Variants in TECRL observed in about 807,000 individuals in gnomAD.
TECRL encodes the protein trans-2,3-enoyl-CoA reductase-like.
In TECRL, 63 loss-of-function variants were observed where a neutral mutation model predicts 52.8. The ratio of observed to expected loss-of-function variants is 1.19; its 90% CI spans 0.97 to 1.47. The LOEUF (loss-of-function observed/expected upper bound fraction) is 1.47, where lower values mean the gene tolerates loss of function less well. Among genes scored for constraint, TECRL ranks in the 40% most tolerant of loss-of-function variants. The pLI, the probability that TECRL is intolerant of heterozygous loss-of-function variation, is 0.00. For synonymous variants in TECRL, 164 were observed against 141.9 expected (o/e 1.16, Z -1.10); for missense variants, 482 against 429.6 (o/e 1.12, Z -1.08).
chr4:64,360,094 C>T (rs1161357052), intron 2 of TECRL, among the ~76,000 whole-genome samples: 2 of 152,050 alleles, frequency 1.3e-5, no homozygotes, highest in Non-Finnish European at 2.9e-5. Flanking sequence ...ACCATATGTT[C>T]AAAGTATGAT....
At chr4:64,355,206 A>C (rs940132372) in intron 2 of TECRL, among the ~76,000 whole-genome samples, 1 of 152,158 alleles carries the variant, frequency 6.6e-6, no homozygotes, top group Non-Finnish European at 1.5e-5. Context: ...AATATACTAG[A>C]ATGACATGAA....
Position 64,327,307 on chromosome 4 carries a change from G to C in TECRL, c.331+1205C>G, listed in dbSNP as rs1718331481. 2.6e-5 allele frequency among the ~76,000 whole-genome samples: 4 copies of C among 151,846 alleles called. No individual in the cohort carries two copies. In the South Asian group the frequency reaches 8.3e-4, roughly 32 times the overall value. ...ACACTCAACTAGGTAAATAAATTTG[G>C]GAGAAAAGGAATATGTCATATTCAC... On this transcript the variant is annotated intron_variant, in intron 3 of 11. Coordinates refer to ENST00000381210, the MANE Select transcript of TECRL (RefSeq NM_001010874.5).
chr4:64,374,612 C>G (rs1053015248), intron 2 of TECRL, among the ~76,000 whole-genome samples: 6 of 151,602 alleles, frequency 4.0e-5, no homozygotes, highest in African/African-American at 9.7e-5. Flanking sequence ...CTTCCTGTGT[C>G]CATGTGTTCT....
intron 2 of TECRL, among the ~76,000 whole-genome samples, chr4:64,341,367 G>A (rs1449349445): frequency 6.6e-6 from 1 of 152,110 alleles, no homozygotes; most frequent in Non-Finnish European, 1.5e-5. Flanking sequence ...TTGGGAGGTT[G>A]GGGTGTGTGG....
At chr4:64,335,802 T>C (rs1037748619) in intron 2 of TECRL, among the ~76,000 whole-genome samples, 1 of 151,186 alleles carries the variant, frequency 6.6e-6, no homozygotes, top group African/African-American at 2.4e-5. Context: ...TAAATGCTGC[T>C]TCAAAAATAT....
At chr4:64,403,723 C>A (rs1724519661) in intron 1 of TECRL, among the ~76,000 whole-genome samples, 1 of 150,116 alleles carries the variant, frequency 6.7e-6, no homozygotes. Context: ...CTCCCATGTG[C>A]TTTTGATTAA....
chr4:64,305,378 G>A lies in TECRL; in HGVS notation c.658-140C>T. ...ATATTAGACACTGCAGCATTTATATGTAAAATGGTACAAATTGTCTAAGCT... is the reference window on the plus strand; with the variant it reads ...ATATTAGACACTGCAGCATTTATATATAAAATGGTACAAATTGTCTAAGCT... On this transcript the variant is annotated intron_variant, in intron 6 of 11. Transcript: ENST00000381210. 9.0e-6 allele frequency: 6 copies of A among 666,716 alleles called. No individual in the cohort carries two copies. In the South Asian group the frequency reaches 1.2e-4, roughly 13 times the overall value. The allele number at this position is 666,716 out of a possible 1,614,324, so 41.3% of individuals were successfully genotyped here. A position where few individuals can be genotyped will look rare whatever the true frequency, so the allele number is the denominator to read the frequency against.
chr4:64,391,841 C>T (rs1686872903), intron 1 of TECRL, among the ~76,000 whole-genome samples: 2 of 151,862 alleles, frequency 1.3e-5, no homozygotes, highest in Admixed American at 6.6e-5. Context: ...AAATATGTTA[C>T]AATGATATAG....
intron 1 of TECRL, among the ~76,000 whole-genome samples, chr4:64,402,991 C>T (rs1031705183): frequency 1.3e-5 from 2 of 152,052 alleles, no homozygotes; most frequent in African/African-American, 4.8e-5. Flanking sequence ...TTTCTCTGTG[C>T]TTCTTAGCCA....
intron 2 of TECRL, among the ~76,000 whole-genome samples, chr4:64,368,459 C>G (rs958896169): frequency 2.8e-4 from 34 of 119,962 alleles, no homozygotes; most frequent in Admixed American, 2.6e-4. Context: ...CCACACCCAG[C>G]TAATTTTTGT....
In TECRL at chr4:64,366,754, T is replaced by C. The variant is rs140205396; in HGVS notation, c.286+8418A>G. Among the ~76,000 whole-genome samples, 467 of 152,216 alleles carry C rather than the reference T, an allele frequency of 3.1e-3. 1 individual carries two copies. The highest frequency in any genetic ancestry group is 0.011 in the African/African-American group (448 of 41,548). Reference sequence around the variant, plus strand: ...TGTTAAAAAGTCACCATATAACAGATGTTGGCAAGTTGTAGAGAACAGGGG... The same window carrying C: ...TGTTAAAAAGTCACCATATAACAGACGTTGGCAAGTTGTAGAGAACAGGGG... On this transcript the variant is annotated intron_variant, in intron 2 of 11. Coordinates refer to ENST00000381210, the MANE Select transcript of TECRL (RefSeq NM_001010874.5).
chr4:64,289,810 C>T (rs1053935561), intron 8 of TECRL, 43 bp from the exon 9 acceptor site: 66 of 1,316,408 alleles, frequency 5.0e-5, no homozygotes, highest in Non-Finnish European at 6.4e-5. Flanking sequence ...ACACCTCTGC[C>T]TATTTTTTAA....
intron 2 of TECRL, among the ~76,000 whole-genome samples, chr4:64,367,746 T>C (rs1721700597): frequency 1.3e-5 from 2 of 152,180 alleles, no homozygotes; most frequent in Admixed American, 6.6e-5. Context: ...TGTTTAAGAA[T>C]GTATGTAGTA....
intron 1 of TECRL, among the ~76,000 whole-genome samples, chr4:64,375,476 T>A (rs191311663): frequency 3.9e-4 from 60 of 152,110 alleles, no homozygotes; most frequent in Admixed American, 6.6e-4. Context: ...TTTGTATCCC[T>A]AAGATATATT....
intron 2 of TECRL, among the ~76,000 whole-genome samples, chr4:64,353,100 G>T (rs1444060697): frequency 6.6e-6 from 1 of 152,032 alleles, no homozygotes; most frequent in Admixed American, 6.6e-5. Flanking sequence ...ATAATTATAT[G>T]GTAAATACAG....
chr4:64,374,600 C>A (rs998815790), intron 2 of TECRL, among the ~76,000 whole-genome samples: 78 of 151,962 alleles, frequency 5.1e-4, no homozygotes, highest in African/African-American at 1.9e-3. Context: ...TGTGATGTTC[C>A]CCTTCCTGTG....
intron 2 of TECRL, among the ~76,000 whole-genome samples, chr4:64,367,619 G>A (rs73230482): frequency 0.015 from 2,281 of 151,428 alleles, 71 homozygotes; most frequent in African/African-American, 0.052. Flanking sequence ...ATCACACTGA[G>A]TAGTCAATTT....
At chr4:64,363,148 A>G (rs532407848) in intron 2 of TECRL, among the ~76,000 whole-genome samples, 1 of 152,264 alleles carries the variant, frequency 6.6e-6, no homozygotes, top group Admixed American at 6.6e-5. Flanking sequence ...ACTATCCTAA[A>G]TATATATTCA....
At chr4:64,297,548 G>A (rs1232130012) in intron 8 of TECRL, among the ~76,000 whole-genome samples, 1 of 150,978 alleles carries the variant, frequency 6.6e-6, no homozygotes, top group African/African-American at 2.4e-5. Flanking sequence ...AATATGGATT[G>A]TACTATCTAC....
Sources: gnomAD v4.1 joint callset for allele counts (sites outside exome capture counted in the v4.1 genomes callset) on GRCh38, gnomAD v4.1.1 for gene constraint, MANE v1.5 for transcripts, NCBI Gene and HGNC (gene_info 2026-07-23, HGNC 2026-07-21) for gene names.